The following AASS variants were observed in gnomAD, a reference collection of about 807,000 sequenced individuals.
The protein encoded by AASS is alpha-aminoadipic semialdehyde synthase, mitochondrial.
A neutral mutation model predicts 105.4 loss-of-function variants in AASS; 86 were observed. That is an observed-to-expected ratio of 0.82 (90% CI 0.69 to 0.98). The LOEUF is 0.98. AASS is among the 50% of genes least tolerant of loss of function. AASS has a pLI of 0.00. For missense variants in AASS, 1,048 were observed against 1,143.2 expected (o/e 0.92, Z 1.20); for synonymous variants, 381 against 394.8 (o/e 0.96, Z 0.41).
chr7:122,101,566 C>A (rs560319244), intron 12 of AASS, 55 bp downstream of exon 12: 308 of 1,524,816 alleles, frequency 2.0e-4, no homozygotes, highest in Non-Finnish European at 2.6e-4. Context: ...GAGAAGAGAG[C>A]AAAAATGGTA....
At chr7:122,080,905 T>C (rs182554654) in intron 20 of AASS, among the ~76,000 whole-genome samples, 1 of 152,314 alleles carries the variant, frequency 6.6e-6, no homozygotes, top group Admixed American at 6.5e-5. Flanking sequence ...CTAGTTTAAG[T>C]TGAACAACCA....
Position 122,093,072 on chromosome 7 carries a change from G to A in AASS, c.1742C>T (p.Pro581Leu). The change falls in exon 16 of 24, where the codon CCA becomes CTA. Residue 581 changes from proline to leucine, a missense_variant. Coordinates refer to ENST00000417368, the MANE Select transcript of AASS (RefSeq NM_005763.4). ...VNMVTASYITPALKELEKSVE... is the reference protein window; with the variant it reads ...VNMVTASYITLALKELEKSVE... ...CCTCTTTTCCAATTCTTTTAGTGCTGGTGTGATGTAGCTTGCAGTGACCAT... is the reference window on the plus strand; with the variant it reads ...CCTCTTTTCCAATTCTTTTAGTGCTAGTGTGATGTAGCTTGCAGTGACCAT... 1 of 1,613,892 alleles carries A rather than the reference G, an allele frequency of 6.2e-7. No individual in the cohort carries two copies. The highest frequency in any genetic ancestry group is 1.1e-5 in the South Asian group (1 of 91,082).
intron 4 of AASS, among the ~76,000 whole-genome samples, chr7:122,121,416 C>G (rs565913883): frequency 1.2e-4 from 18 of 152,082 alleles, no homozygotes; most frequent in African/African-American, 4.1e-4. Flanking sequence ...TTTTTTGAGA[C>G]AGTTAACTCA....
At chr7:122,081,624 A>G in intron 19 of AASS, 29 bp from the exon 20 acceptor site, 1 of 1,518,120 alleles carries the variant, frequency 6.6e-7, no homozygotes, top group East Asian at 2.3e-5. Flanking sequence ...AGCAGTATAT[A>G]AAATTTTTCT....
intron 17 of AASS, among the ~76,000 whole-genome samples, chr7:122,092,595 G>A (rs111961697): frequency 0.012 from 1,858 of 152,070 alleles, 15 homozygotes; most frequent in Non-Finnish European, 0.015. Flanking sequence ...ATGGTGGTGC[G>A]TGCCTGTAAT....
intron 18 of AASS, 48 bp from the exon 19 acceptor site, chr7:122,086,227 T>G: frequency 7.6e-6 from 12 of 1,582,692 alleles, no homozygotes; most frequent in Middle Eastern, 1.7e-4. Context: ...TGTTCCTTTC[T>G]TTTAGGGCTT....
chr7:122,131,765 T>C (rs1795928887), intron 2 of AASS, among the ~76,000 whole-genome samples: 1 of 151,998 alleles, frequency 6.6e-6, no homozygotes, highest in Admixed American at 6.6e-5. Context: ...AGAAAACAAG[T>C]CTTCTTGGTG....
intron 11 of AASS, among the ~76,000 whole-genome samples, chr7:122,107,106 C>T (rs1008475862): frequency 2.0e-5 from 3 of 152,128 alleles, no homozygotes; most frequent in African/African-American, 7.2e-5. Flanking sequence ...CAATTGAAGA[C>T]ATACATGCAG....
intron 13 of AASS, among the ~76,000 whole-genome samples, chr7:122,099,971 C>T (rs1317831957): frequency 6.6e-6 from 1 of 151,564 alleles, no homozygotes; most frequent in Admixed American, 6.6e-5. Context: ...TTCCAAATAC[C>T]AAATGCTCAA....
Position 122,113,667 on chromosome 7 carries a change from A to G in AASS, c.1097T>C (p.Met366Thr), listed in dbSNP as rs1795036970. The change falls in exon 10 of 24, where the codon ATG (methionine) becomes ACG (threonine). Residue 366 changes from methionine (M) to threonine (T), a missense_variant. By Grantham distance (81) the Met-to-Thr change is moderately conservative. Coordinates refer to ENST00000417368, the MANE Select transcript of AASS (RefSeq NM_005763.4). ...ATGCTCTATTGTTGTACACTCAGTC[A>G]TAAACTCTATAGACCCTCCTGTGTC... is the stretch of plus-strand genomic sequence containing the variant. The part of the protein sequence containing the change: ...SADTGGSIEF[M>T]TECTTIEHPF... 1 of 1,613,568 alleles carries G rather than the reference A, an allele frequency of 6.2e-7. No homozygotes were observed. Among genetic ancestry groups the G allele is most frequent in the Non-Finnish European group, 8.5e-7 (1 of 1,179,892 alleles).
intron 11 of AASS, among the ~76,000 whole-genome samples, chr7:122,110,230 C>G (rs758971368): frequency 2.6e-5 from 4 of 151,574 alleles, no homozygotes; most frequent in Non-Finnish European, 4.4e-5. Context: ...TAAAATTGAT[C>G]AAGTCCAGGT....
intron 1 of AASS, among the ~76,000 whole-genome samples, chr7:122,137,415 G>A (rs1010924911): frequency 4.6e-5 from 7 of 152,168 alleles, no homozygotes; most frequent in Non-Finnish European, 7.3e-5. Flanking sequence ...AAAGAAATCA[G>A]ATCCATATGG....
chr7:122,113,262 C>G, intron 10 of AASS, 33 bp from the exon 11 acceptor site: 1 of 1,572,406 alleles, frequency 6.4e-7, no homozygotes, highest in Non-Finnish European at 8.8e-7. Context: ...TTCAGAAGCA[C>G]AAAACATTAT....
chr7:122,120,448 T>C (rs1293347827), intron 4 of AASS, among the ~76,000 whole-genome samples: 1 of 152,070 alleles, frequency 6.6e-6, no homozygotes, highest in African/African-American at 2.4e-5. Flanking sequence ...GTCTTCTCTC[T>C]TTTTCTATCA....
chr7:122,079,752 C>A, intron 20 of AASS, 40 bp from the exon 21 acceptor site: 3 of 1,487,528 alleles, frequency 2.0e-6, no homozygotes, highest in Non-Finnish European at 1.9e-6. Flanking sequence ...AAGTCCCTAA[C>A]AAATTTTTTT....
At chr7:122,140,485 CAAAAA>C (rs57828681) in intron 1 of AASS, among the ~76,000 whole-genome samples, 48 of 37,328 alleles carry the variant, frequency 1.3e-3, no homozygotes, top group Non-Finnish European at 1.6e-3. Context: ...GACTCAGTCT[CAAAAA>C]AAAAAAAAAA....
chr7:122,126,037 T>C (rs1171886171), intron 4 of AASS, among the ~76,000 whole-genome samples: 1 of 152,132 alleles, frequency 6.6e-6, no homozygotes, highest in African/African-American at 2.4e-5. Flanking sequence ...GGACCTTTTT[T>C]CCCTTTCTAT....
Position 122,075,654 on chromosome 7 carries a change from G to A in AASS, c.*835C>T, listed in dbSNP as rs1025781056. On this transcript the variant is annotated 3_prime_UTR_variant, in exon 24 of 24. Transcript: ENST00000417368. The stretch of plus-strand genomic sequence containing the variant: ...TATTTTTTATTTTTTATTGTGAAAG[G>A]GTGTTGAATTTTGTTAAATACTTTT... The A allele has an allele frequency of 3.3e-5, 5 of 151,950 alleles. No homozygotes were observed. The highest frequency in any genetic ancestry group is 1.3e-4 in the Admixed American group (2 of 15,256). 9.4% of individuals were successfully genotyped at this position (151,950 alleles called of 1,614,324 possible). A position where few individuals can be genotyped will look rare whatever the true frequency, so the allele number is the denominator to read the frequency against.
At position 122,098,496 on chromosome 7, in the gene AASS, C is replaced by G; in HGVS notation, c.1609G>C (p.Glu537Gln). 6.2e-7 allele frequency: 1 copy of G among 1,612,104 alleles called. No homozygotes were observed. Among genetic ancestry groups the G allele is most frequent in the Non-Finnish European group, 8.5e-7 (1 of 1,178,738 alleles). ...NPVSMDICKQ[E>Q]EKLGFLVAKQ... ...GCCACCAAGAAGCCCAGCTTCTCTTCTTGTTTACAAATGTCCATGCTAACA... is the reference window on the plus strand; with the variant it reads ...GCCACCAAGAAGCCCAGCTTCTCTTGTTGTTTACAAATGTCCATGCTAACA... The change falls in exon 15 of 24, where the codon GAA (glutamate) becomes CAA (glutamine). Residue 537 changes from glutamate (E) to glutamine (Q), a missense_variant. Glu to Gln is a conservative substitution (Grantham distance 29). Coordinates refer to ENST00000417368, the MANE Select transcript of AASS (RefSeq NM_005763.4).
Sources: gnomAD v4.1 joint callset for allele counts (sites outside exome capture counted in the v4.1 genomes callset) on GRCh38, gnomAD v4.1.1 for gene constraint, MANE v1.5 for transcripts, NCBI Gene and HGNC (gene_info 2026-07-23, HGNC 2026-07-21) for gene names.